Variants in PDIA5 observed in about 807,000 individuals in gnomAD.
PDIA5 encodes protein disulfide-isomerase A5.
Under a neutral mutation model 77.6 loss-of-function variants are expected in PDIA5, and 58 were observed. That is an observed-to-expected ratio of 0.75 (90% confidence interval 0.61 to 0.93). The LOEUF (loss-of-function observed/expected upper bound fraction) is 0.93. PDIA5 is among the 40% of genes least tolerant of loss of function. The pLI, the probability that PDIA5 is intolerant of heterozygous loss-of-function variation, is 0.00. For missense variants in PDIA5, 630 were observed against 647.7 expected (o/e 0.97, Z 0.30); for synonymous variants, 250 against 252.1 (o/e 0.99, Z 0.08).
rs1193517345 is a variant in PDIA5, at chr3:123,111,326, G to A, written c.541+322G>A. 2.0e-5 allele frequency among the ~76,000 whole-genome samples: 3 copies of A among 152,348 alleles called. No homozygotes were observed. The East Asian group carries it at 5.8e-4, about 29-fold the overall frequency. ...CCTGCTGGTGGTGCCATGCCTCAGT[G>A]GCGGTCACCTTGTGGCTGTTCTGCC... On this transcript the variant is annotated intron_variant, in intron 7 of 16. Coordinates refer to ENST00000316218, the MANE Select transcript of PDIA5 (RefSeq NM_006810.4).
At chr3:123,128,588 G>A (rs934905348) in intron 10 of PDIA5, among the ~76,000 whole-genome samples, 13 of 152,000 alleles carry the variant, frequency 8.6e-5, no homozygotes, top group Admixed American at 7.2e-4. Context: ...GCTCACTGCA[G>A]CTTTGAACTC....
intron 3 of PDIA5, 135 bp downstream of exon 3, chr3:123,092,577 T>G: frequency 4.3e-6 from 3 of 704,428 alleles, no homozygotes; most frequent in Admixed American, 2.3e-5. Context: ...CATCTAGTGA[T>G]ACTTCGAGGT....
rs1935915552 is a variant in PDIA5 at position 123,151,919 on chromosome 3, TCCTTCCTTCCTG to T, written c.1273+1571_1273+1582del. 5.8e-5 allele frequency among the ~76,000 whole-genome samples: 7 copies of T among 120,486 alleles called. No homozygotes were observed. In the South Asian group the frequency reaches 1.7e-3, roughly 29 times the overall value. The allele number at this position is 120,486 out of a possible 152,430, so 79.0% of individuals were successfully genotyped here. Reference sequence around the variant, plus strand: ...TTCCTGCCTGCCTTCCTTCCTGCCTTCCTTCCTTCCTGCCTTCCTTCCTGCCTGCCTTCCTTC... The same window carrying T: ...TTCCTGCCTGCCTTCCTTCCTGCCTTCCTTCCTTCCTGCCTGCCTTCCTTC... On this transcript the variant is annotated intron_variant, in intron 14 of 16. Transcript: ENST00000316218.
In PDIA5 at chr3:123,130,597, C is replaced by T. The variant is rs375925362; in HGVS notation, c.891C>T (p.Leu297=). 37 of 1,614,030 alleles carry T rather than the reference C, an allele frequency of 2.3e-5. No homozygotes were observed. Among genetic ancestry groups the T allele is most frequent in the Admixed American group, 1.3e-4 (8 of 60,000 alleles). Residue 297 remains leucine (L), a synonymous_variant, in exon 11 of 17, where the codon CTC becomes CTT. Coordinates refer to ENST00000316218, the MANE Select transcript of PDIA5 (RefSeq NM_006810.4). The part of the protein sequence containing the change: ...DQFVKEHSSV[L]VMFHAPWCGH... ...TTGTGAAGGAACACTCCTCTGTCCTCGTCATGTTCCACGCCCCATGTGAGT... is the reference window on the plus strand; with the variant it reads ...TTGTGAAGGAACACTCCTCTGTCCTTGTCATGTTCCACGCCCCATGTGAGT...
rs144891022 is a variant in PDIA5 at position 123,099,110 on chromosome 3, A to G, written c.258-3301A>G. Among the ~76,000 whole-genome samples the G allele has an allele frequency of 3.0e-3, 452 of 152,316 alleles. 2 individuals are homozygous for G. Among genetic ancestry groups the G allele is most frequent in the African/African-American group, 0.01 (422 of 41,564 alleles). On this transcript the variant is annotated intron_variant, in intron 3 of 16. Coordinates refer to ENST00000316218, the MANE Select transcript of PDIA5 (RefSeq NM_006810.4). ...CTTATACATTTTGAGAGACACAACT[A>G]TGAGAAGGAGGGGAGCAGTGCTGAG...
intron 1 of PDIA5, among the ~76,000 whole-genome samples, chr3:123,072,017 T>C (rs1014117551): frequency 1.3e-5 from 2 of 150,610 alleles, no homozygotes; most frequent in Middle Eastern, 3.4e-3. Flanking sequence ...GAACTTTAAA[T>C]GCCTGGCAAA....
chr3:123,112,835 C>T (rs926728763), intron 7 of PDIA5, among the ~76,000 whole-genome samples: 2 of 152,106 alleles, frequency 1.3e-5, no homozygotes, highest in African/African-American at 4.8e-5. Context: ...GCTGGAATTA[C>T]AGGTGTGAAC....
intron 1 of PDIA5, among the ~76,000 whole-genome samples, chr3:123,072,640 G>A (rs1159556831): frequency 6.6e-6 from 1 of 152,202 alleles, no homozygotes; most frequent in South Asian, 2.1e-4. Context: ...GAAGGGCTCA[G>A]GATGTAAGTG....
intron 1 of PDIA5, among the ~76,000 whole-genome samples, chr3:123,085,443 CT>C (rs1335506362): frequency 2.0e-5 from 3 of 152,176 alleles, no homozygotes; most frequent in Non-Finnish European, 4.4e-5. Flanking sequence ...CTTAACTTCT[CT>C]ACTGTGTGAC....
At chr3:123,156,088 C>T (rs541801386) in intron 15 of PDIA5, among the ~76,000 whole-genome samples, 75 of 152,258 alleles carry the variant, frequency 4.9e-4, no homozygotes, top group Non-Finnish European at 8.1e-4. Flanking sequence ...CCTAAAGGTA[C>T]CATCCAGACC....
chr3:123,127,992 T>C (rs1321176345), intron 10 of PDIA5, among the ~76,000 whole-genome samples: 1 of 152,148 alleles, frequency 6.6e-6, no homozygotes, highest in Non-Finnish European at 1.5e-5. Context: ...AAAGCATCAT[T>C]CAGTGTTTTG....
chr3:123,098,487 C>T (rs1352593340), intron 3 of PDIA5, among the ~76,000 whole-genome samples: 1 of 152,210 alleles, frequency 6.6e-6, no homozygotes, highest in Non-Finnish European at 1.5e-5. Context: ...GTACCTGCAG[C>T]AGCCACTCCC....
chr3:123,077,737 A>G (rs1933891763), intron 1 of PDIA5, among the ~76,000 whole-genome samples: 1 of 152,000 alleles, frequency 6.6e-6, no homozygotes, highest in South Asian at 2.1e-4. Flanking sequence ...GTGTTTAGCT[A>G]TGGTGGCTCA....
chr3:123,073,764 G>C, intron 1 of PDIA5, among the ~76,000 whole-genome samples: 1 of 152,200 alleles, frequency 6.6e-6, no homozygotes, highest in Admixed American at 6.5e-5. Flanking sequence ...GAGTTGCGGG[G>C]GCGCAAGGGT....
In PDIA5 at chr3:123,124,121, A is replaced by G. The variant is rs2107958637; in HGVS notation, c.665A>G (p.Tyr222Cys). 1.2e-6 allele frequency: 2 copies of G among 1,614,124 alleles called. No individual in the cohort carries two copies. The highest frequency in any genetic ancestry group is 2.2e-5 in the South Asian group (2 of 91,088). ...SSEFENIKEEYSVRGFPTICY... is the reference protein window; with the variant it reads ...SSEFENIKEECSVRGFPTICY... The stretch of plus-strand genomic sequence containing the variant: ...GAATTTGAAAACATCAAGGAGGAGT[A>G]CAGCGTGCGCGGCTTCCCCACCATC... The change falls in exon 9 of 17, where the codon TAC becomes TGC. Residue 222 changes from tyrosine to cysteine, a missense_variant. Physicochemically the swap from Tyr to Cys is radical, Grantham distance 194. Transcript: ENST00000316218.
intron 11 of PDIA5, among the ~76,000 whole-genome samples, chr3:123,139,138 C>A (rs1935567279): frequency 6.6e-6 from 1 of 152,134 alleles, no homozygotes; most frequent in Admixed American, 6.6e-5. Context: ...ATGATAAAAG[C>A]CCAACAAGGA....
chr3:123,079,175 C>CTTTTTTTTTTTTTTTTTTTT (rs35252405), intron 1 of PDIA5, among the ~76,000 whole-genome samples: 2 of 94,080 alleles, frequency 2.1e-5, no homozygotes, highest in Non-Finnish European at 4.0e-5. Flanking sequence ...ATTTTGAATT[C>CTTTTTTTTTTTTTTTTTTTT]TTTTTTTTTT....
chr3:123,101,157 A>T (rs1043471304), intron 3 of PDIA5, among the ~76,000 whole-genome samples: 9 of 152,206 alleles, frequency 5.9e-5, no homozygotes, highest in Admixed American at 5.9e-4. Context: ...AGGGGAGAAG[A>T]ACATGAGCCA....
intron 3 of PDIA5, among the ~76,000 whole-genome samples, chr3:123,100,985 C>T (rs1454758073): frequency 2.6e-5 from 4 of 152,168 alleles, no homozygotes; most frequent in Non-Finnish European, 4.4e-5. Context: ...ATTGGGTAGC[C>T]GAGATGCCCT....
Sources: allele counts gnomAD v4.1 joint callset (sites outside exome capture counted in the v4.1 genomes callset), GRCh38; gene constraint gnomAD v4.1.1; transcripts MANE v1.5; gene names NCBI Gene and HGNC (gene_info 2026-07-23, HGNC 2026-07-21).